TENT4B: variants seen among roughly 807,000 people sequenced by gnomAD.
TENT4B encodes the protein PAP associated domain containing 5.
Under a neutral mutation model 75.0 loss-of-function variants are expected in TENT4B, and 10 were observed. The ratio of observed to expected loss-of-function variants is 0.13; its 90% CI spans 0.08 to 0.23. The LOEUF is 0.23. Ranked by LOEUF, TENT4B falls within the 10% of genes least tolerant of loss-of-function variation. The pLI is 1.00. For synonymous variants in TENT4B, 350 were observed against 357.7 expected (o/e 0.98, Z 0.24); for missense variants, 579 against 893.8 (o/e 0.65, Z 4.49).
chr16:50,179,082 G>C (rs2038361679), intron 1 of TENT4B, among the ~76,000 whole-genome samples: 1 of 152,180 alleles, frequency 6.6e-6, no homozygotes, highest in African/African-American at 2.4e-5. Context: ...CTTTATTCCA[G>C]CCGGGTGCGG....
intron 5 of TENT4B, among the ~76,000 whole-genome samples, chr16:50,219,041 C>G (rs1314325534): frequency 6.6e-6 from 1 of 151,892 alleles, no homozygotes; most frequent in East Asian, 1.9e-4. Flanking sequence ...GTATGGAAGA[C>G]AGAAAAGCAG....
chr16:50,161,855 A>G (rs967346273), intron 1 of TENT4B, among the ~76,000 whole-genome samples: 1 of 152,180 alleles, frequency 6.6e-6, no homozygotes, highest in East Asian at 1.9e-4. Context: ...GTGTATATAT[A>G]TAATTGTATG....
intron 1 of TENT4B, among the ~76,000 whole-genome samples, chr16:50,166,423 A>C (rs2038102038): frequency 6.6e-6 from 1 of 152,104 alleles, no homozygotes; most frequent in Non-Finnish European, 1.5e-5. Flanking sequence ...ATTATAGCCA[A>C]TCTAGTGGGT....
rs1567518334 is a variant in TENT4B, at chr16:50,231,425, A to G, written c.*2097A>G. On this transcript the variant is annotated 3_prime_UTR_variant, in exon 12 of 12. Transcript: ENST00000561678. ...TTTCAGACACTTAATACTTGCAGAG[A>G]TCTATGTTACATTTACCACACTGAA... is the stretch of plus-strand genomic sequence containing the variant. 1.0e-6 allele frequency: 1 copy of G among 984,906 alleles called. No homozygotes were observed. Among genetic ancestry groups the G allele is most frequent in the Non-Finnish European group, 1.2e-6 (1 of 829,114 alleles). The allele number at this position is 984,906 out of a possible 1,614,324, so 61.0% of individuals were successfully genotyped here. A position where few individuals can be genotyped will look rare whatever the true frequency, so the allele number is the denominator to read the frequency against.
At chr16:50,165,838 GGTT>G (rs1169552146) in intron 1 of TENT4B, among the ~76,000 whole-genome samples, 1 of 152,160 alleles carries the variant, frequency 6.6e-6, no homozygotes, top group Non-Finnish European at 1.5e-5. Context: ...AGGACATTTA[GGTT>G]GTTTCCATTT....
At chr16:50,216,762 C>G (rs1443042952) in intron 4 of TENT4B, among the ~76,000 whole-genome samples, 1 of 152,076 alleles carries the variant, frequency 6.6e-6, no homozygotes, top group East Asian at 1.9e-4. Flanking sequence ...TCAAGTGATC[C>G]TCCCACCTCA....
rs758049566 is a variant in TENT4B at position 50,217,940 on chromosome 16, A to ATT, written c.1038+292_1038+293dup. Among the ~76,000 whole-genome samples the ATT allele has an allele frequency of 7.5e-3, 986 of 131,662 alleles. 10 individuals carry two copies. Among genetic ancestry groups the ATT allele is most frequent in the African/African-American group, 0.023 (833 of 36,180 alleles). 86.4% of individuals were successfully genotyped at this position (131,662 alleles called of 152,430 possible). A position where few individuals can be genotyped will look rare whatever the true frequency, so the allele number is the denominator to read the frequency against. ...GCCACTACACCTGGCTATTTTTTGT[A>ATT]TTTTTTTTTTTTTTTTAGTGTTGGG... is the stretch of plus-strand genomic sequence containing the variant. On this transcript the variant is annotated intron_variant, in intron 5 of 11. Coordinates refer to ENST00000561678, the MANE Select transcript of TENT4B (RefSeq NM_001365324.3).
In TENT4B at chr16:50,154,417, C is replaced by G. The variant is rs1017535557; in HGVS notation, c.638+158C>G. Among the ~76,000 whole-genome samples, 19 of 152,218 alleles carry G rather than the reference C, an allele frequency of 1.2e-4. No individual in the cohort carries two copies. In the Middle Eastern group the frequency reaches 0.01, roughly 82 times the overall value. Reference sequence around the variant, plus strand: ...GTGCTGCTGGCCATCCCCAACCCCCCAGTCGTTCACACCTTTCCCCAAGCC... The same window carrying G: ...GTGCTGCTGGCCATCCCCAACCCCCGAGTCGTTCACACCTTTCCCCAAGCC... On this transcript the variant is annotated intron_variant, in intron 1 of 11. Transcript: ENST00000561678.
At position 50,230,062 on chromosome 16, in the gene TENT4B, A is replaced by G; in HGVS notation, c.*734A>G. The G allele has an allele frequency of 1.0e-6, 1 of 985,282 alleles. No individual in the cohort carries two copies. The highest frequency in any genetic ancestry group is 1.2e-6 in the Non-Finnish European group (1 of 829,838). 61.0% of individuals were successfully genotyped at this position (985,282 alleles called of 1,614,324 possible). The stretch of plus-strand genomic sequence containing the variant: ...ATAGAACCCTTGTGTCCTGCTGCAA[A>G]AATTTTTCCTCTCTAAAGAAAAGGT... On this transcript the variant is annotated 3_prime_UTR_variant, in exon 12 of 12. Transcript: ENST00000561678.
chr16:50,225,485 T>C (rs1323657402), intron 10 of TENT4B, among the ~76,000 whole-genome samples, 200 bp downstream of exon 10: 1 of 152,204 alleles, frequency 6.6e-6, no homozygotes, highest in Non-Finnish European at 1.5e-5. Context: ...CAAATTTTAG[T>C]GAGCATTCAT....
At chr16:50,155,268 C>CTTGGGT (rs1555506859) in intron 1 of TENT4B, among the ~76,000 whole-genome samples, 1 of 30,082 alleles carries the variant, frequency 3.3e-5, no homozygotes, top group Admixed American at 3.6e-4. Flanking sequence ...TTTTGGGTCT[C>CTTGGGT]GTGGGTGTGT....
chr16:50,172,890 T>C (rs1597232497), intron 1 of TENT4B, among the ~76,000 whole-genome samples: 1 of 152,192 alleles, frequency 6.6e-6, no homozygotes, highest in East Asian at 1.9e-4. Context: ...CAGAATGTCA[T>C]ATAGTTGGAA....
chr16:50,161,956 T>TAC (rs1396925515), intron 1 of TENT4B, among the ~76,000 whole-genome samples: 1 of 152,192 alleles, frequency 6.6e-6, no homozygotes, highest in Non-Finnish European at 1.5e-5. Flanking sequence ...CTCCCTATGC[T>TAC]ACCACTTTAT....
chr16:50,205,158 G>A (rs777041097), intron 1 of TENT4B, among the ~76,000 whole-genome samples: 2 of 151,992 alleles, frequency 1.3e-5, no homozygotes, highest in African/African-American at 2.4e-5. Flanking sequence ...GTCCCTCTTC[G>A]GATGTGATCA....
chr16:50,153,730 C>A lies in TENT4B; in HGVS notation c.109C>A (p.His37Asn). 2 of 1,048,222 alleles carry A rather than the reference C, an allele frequency of 1.9e-6. No homozygotes were observed. Among genetic ancestry groups the A allele is most frequent in the Non-Finnish European group, 2.3e-6 (2 of 873,072 alleles). 64.9% of individuals were successfully genotyped at this position (1,048,222 alleles called of 1,614,324 possible). A position where few individuals can be genotyped will look rare whatever the true frequency, so the allele number is the denominator to read the frequency against. ...GGGGCTGAGGAACCTCTACTTCAAC[C>A]ACCACTGTCACAGCAGCGGCGGCGC... Reference protein sequence around the residue: ...TQGLRNLYFNHHCHSSGGASG... With the variant: ...TQGLRNLYFNNHCHSSGGASG... The change falls in exon 1 of 12, where the codon CAC (histidine) becomes AAC (asparagine). Residue 37 changes from histidine (H) to asparagine (N), a missense_variant. Coordinates refer to ENST00000561678, the MANE Select transcript of TENT4B (RefSeq NM_001365324.3).
intron 1 of TENT4B, among the ~76,000 whole-genome samples, chr16:50,200,478 C>T (rs2030565421): frequency 1.3e-5 from 2 of 151,940 alleles, no homozygotes. Context: ...TTCAAAGTGG[C>T]TGCGCCATTT....
At chr16:50,177,625 T>TC (rs2038335368) in intron 1 of TENT4B, among the ~76,000 whole-genome samples, 1 of 152,160 alleles carries the variant, frequency 6.6e-6, no homozygotes, top group Non-Finnish European at 1.5e-5. Context: ...CCCTTTTTTT[T>TC]CTTTGTTAAT....
intron 1 of TENT4B, among the ~76,000 whole-genome samples, chr16:50,179,359 C>T (rs930189242): frequency 6.6e-6 from 1 of 152,058 alleles, no homozygotes; most frequent in African/African-American, 2.4e-5. Flanking sequence ...GCAACTCCGT[C>T]TCAAAAGAAA....
intron 1 of TENT4B, among the ~76,000 whole-genome samples, chr16:50,164,240 C>T (rs2038057482): frequency 6.6e-6 from 1 of 152,182 alleles, no homozygotes; most frequent in Non-Finnish European, 1.5e-5. Flanking sequence ...TGGTCTCAAG[C>T]AGTCTTCCTA....
Sources: allele counts gnomAD v4.1 joint callset (sites outside exome capture counted in the v4.1 genomes callset), GRCh38; gene constraint gnomAD v4.1.1; transcripts MANE v1.5; gene names NCBI Gene and HGNC (gene_info 2026-07-23, HGNC 2026-07-21).